Variants in SESN1 observed in about 807,000 individuals in gnomAD.
The protein encoded by SESN1 is sestrin-1.
Under a neutral mutation model 59.3 loss-of-function variants are expected in SESN1, and 30 were observed. The ratio of observed to expected loss-of-function variants is 0.51; its 90% CI spans 0.38 to 0.69. SESN1 has a LOEUF of 0.69. Ranked by LOEUF, SESN1 falls within the 30% of genes least tolerant of loss-of-function variation. The pLI, the probability that SESN1 is intolerant of heterozygous loss-of-function variation, is 0.00. For missense variants in SESN1, 566 were observed against 673.0 expected (o/e 0.84, Z 1.76); for synonymous variants, 197 against 219.9 (o/e 0.90, Z 0.92).
chr6:109,024,545 T>A (rs2114378558), intron 1 of SESN1, among the ~76,000 whole-genome samples: 1 of 152,346 alleles, frequency 6.6e-6, no homozygotes, highest in African/African-American at 2.4e-5. Context: ...TACCTAAAAA[T>A]ATTTCTACAG....
At chr6:109,045,000 G>A (rs905121570) in intron 1 of SESN1, among the ~76,000 whole-genome samples, 2 of 151,236 alleles carry the variant, frequency 1.3e-5, no homozygotes, top group African/African-American at 4.9e-5. Context: ...TCCATCCTGG[G>A]CAACAAGAGC....
At chr6:109,003,738 A>C (rs1283869949) in intron 1 of SESN1, among the ~76,000 whole-genome samples, 2 of 152,186 alleles carry the variant, frequency 1.3e-5, no homozygotes, top group Non-Finnish European at 2.9e-5. Context: ...TGAATGCCAG[A>C]GGACATCCCT....
chr6:109,023,672 T>A (rs1780043743), intron 1 of SESN1, among the ~76,000 whole-genome samples: 1 of 152,170 alleles, frequency 6.6e-6, no homozygotes, highest in African/African-American at 2.4e-5. Flanking sequence ...GTACTTAAAC[T>A]GCATTTTCAT....
chr6:109,010,141 T>G (rs1447330121), intron 1 of SESN1, among the ~76,000 whole-genome samples: 1 of 152,192 alleles, frequency 6.6e-6, no homozygotes, highest in East Asian at 1.9e-4. Flanking sequence ...TGAATCGTCT[T>G]TTTTCCTCTC....
At chr6:109,016,014 C>G (rs989155618) in intron 1 of SESN1, among the ~76,000 whole-genome samples, 3 of 152,126 alleles carry the variant, frequency 2.0e-5, no homozygotes, top group African/African-American at 7.2e-5. Flanking sequence ...ATTATCCATT[C>G]AAAATAGATT....
rs529199855 is a variant in SESN1, at chr6:108,999,296, T to C, written c.730-541A>G. Reference sequence around the variant, plus strand: ...GTCACTTCTGCTTCATTATCTATTTTGTAATCTTGTATAATTTTTCCTTAC... The same window carrying C: ...GTCACTTCTGCTTCATTATCTATTTCGTAATCTTGTATAATTTTTCCTTAC... On this transcript the variant is annotated intron_variant, in intron 4 of 9. Coordinates refer to ENST00000436639, the MANE Select transcript of SESN1 (RefSeq NM_014454.3). 4.6e-5 allele frequency among the ~76,000 whole-genome samples: 7 copies of C among 152,326 alleles called. No homozygotes were observed. In the South Asian group the frequency reaches 1.2e-3, roughly 27 times the overall value.
At chr6:108,988,070 A>G (rs1779248098) in intron 9 of SESN1, among the ~76,000 whole-genome samples, 1 of 152,204 alleles carries the variant, frequency 6.6e-6, no homozygotes, top group African/African-American at 2.4e-5. Flanking sequence ...CTGGGATTAC[A>G]GGTGTGAGCC....
intron 1 of SESN1, among the ~76,000 whole-genome samples, chr6:109,030,103 A>T (rs1453711782): frequency 6.6e-6 from 1 of 152,172 alleles, no homozygotes; most frequent in East Asian, 1.9e-4. Context: ...CCTGGGTCTT[A>T]GACACGTGTC....
At chr6:109,026,549 T>C (rs1314427359) in intron 1 of SESN1, among the ~76,000 whole-genome samples, 7 of 151,976 alleles carry the variant, frequency 4.6e-5, no homozygotes, top group African/African-American at 1.7e-4. Flanking sequence ...CAGGCTGGAG[T>C]GCAGTGGCGC....
At chr6:109,049,060 G>A (rs1417575348) in intron 1 of SESN1, among the ~76,000 whole-genome samples, 1 of 152,150 alleles carries the variant, frequency 6.6e-6, no homozygotes, top group Non-Finnish European at 1.5e-5. Flanking sequence ...ACATGTGTAT[G>A]AATAAATGAC....
In SESN1 at chr6:109,080,170, C is replaced by T. The variant is rs76927729; in HGVS notation, c.279+13625G>A. ...GTTACTTGTGGGGCGGGGAAGGGGA[C>T]GTTCAGCACTGCAAACGTTAGGGTC... On this transcript the variant is annotated intron_variant, in intron 1 of 9. Coordinates refer to ENST00000436639, the MANE Select transcript of SESN1 (RefSeq NM_014454.3). Among the ~76,000 whole-genome samples, 1,195 of 152,032 alleles carry T rather than the reference C, an allele frequency of 7.9e-3. 21 individuals carry two copies. The highest frequency in any genetic ancestry group is 0.028 in the African/African-American group (1,144 of 41,508).
At chr6:109,012,890 C>T (rs1428774616) in intron 1 of SESN1, among the ~76,000 whole-genome samples, 1 of 151,744 alleles carries the variant, frequency 6.6e-6, no homozygotes, top group South Asian at 2.1e-4. Flanking sequence ...CGAGGCAGGG[C>T]GGATCACAAG....
At chr6:109,025,722 A>G (rs1780080870) in intron 1 of SESN1, among the ~76,000 whole-genome samples, 1 of 152,144 alleles carries the variant, frequency 6.6e-6, no homozygotes, top group Admixed American at 6.5e-5. Flanking sequence ...TACTCAGTAT[A>G]GCTGAAAATT....
At chr6:109,063,647 T>C (rs529433677) in intron 1 of SESN1, among the ~76,000 whole-genome samples, 3 of 152,350 alleles carry the variant, frequency 2.0e-5, no homozygotes, top group African/African-American at 4.8e-5. Context: ...CATTTTCCTA[T>C]GTACCCTTGC....
chr6:109,065,009 C>T (rs575548397), intron 1 of SESN1, among the ~76,000 whole-genome samples: 95 of 152,184 alleles, frequency 6.2e-4, no homozygotes, highest in African/African-American at 2.2e-3. Flanking sequence ...TTTTCCTCAT[C>T]AAGTATGTAA....
intron 1 of SESN1, among the ~76,000 whole-genome samples, chr6:109,002,906 TTTTG>T (rs1460366911): frequency 2.0e-5 from 3 of 152,188 alleles, no homozygotes; most frequent in African/African-American, 7.2e-5. Context: ...GAGAAACTCA[TTTTG>T]TTTGTAAGTT....
At position 108,987,213 on chromosome 6, in the gene SESN1, A is replaced by C; in HGVS notation, c.*331T>G. ...CCAAGTCCCATTCTTTGCATGCTCC[A>C]ATTCTTGTTATCTTATTTAACATAA... is the stretch of plus-strand genomic sequence containing the variant. On this transcript the variant is annotated 3_prime_UTR_variant, in exon 10 of 10. Transcript: ENST00000436639. The C allele has an allele frequency of 4.8e-6, 1 of 208,594 alleles. No individual in the cohort carries two copies. The highest frequency in any genetic ancestry group is 9.5e-6 in the Non-Finnish European group (1 of 105,458). 12.9% of individuals were successfully genotyped at this position (208,594 alleles called of 1,614,324 possible).
intron 1 of SESN1, chr6:109,008,671 A>G (rs965662018): frequency 2.5e-5 from 14 of 562,732 alleles, no homozygotes; most frequent in Non-Finnish European, 3.2e-5. Flanking sequence ...AGTTTTACCT[A>G]AGGTTACATT....
intron 1 of SESN1, among the ~76,000 whole-genome samples, chr6:109,052,567 A>T (rs1780558145): frequency 6.6e-6 from 1 of 152,146 alleles, no homozygotes; most frequent in Non-Finnish European, 1.5e-5. Flanking sequence ...ATCCTTTCCC[A>T]ATGTTATTGA....
Sources: gnomAD v4.1 joint callset for allele counts (sites outside exome capture counted in the v4.1 genomes callset) on GRCh38, gnomAD v4.1.1 for gene constraint, MANE v1.5 for transcripts, NCBI Gene and HGNC (gene_info 2026-07-23, HGNC 2026-07-21) for gene names.